Variants in HTR2C observed in about 807,000 individuals in gnomAD.
The protein encoded by HTR2C is 5-hydroxytryptamine receptor 2C, also known as 5-hydroxytryptamine (serotonin) receptor 2C, G protein-coupled.
Under a neutral mutation model 21.0 loss-of-function variants are expected in HTR2C, and 5 were observed. The observed-to-expected ratio is 0.24, with a 90% CI of 0.12 to 0.50. The LOEUF is 0.50. Ranked by LOEUF, HTR2C falls within the 20% of genes least tolerant of loss-of-function variation. HTR2C has a pLI of 0.98. For missense variants in HTR2C, 271 were observed against 371.2 expected (o/e 0.73, Z 2.22); for synonymous variants, 150 against 145.3 (o/e 1.03, Z -0.23).
intron 2 of HTR2C, among the ~76,000 whole-genome samples, chrX:114,667,624 T>TAGA (rs1214198529): frequency 2.7e-5 from 3 of 111,780 alleles, no homozygotes; most frequent in Non-Finnish European, 5.6e-5. Context: ...ATGTTGAGGC[T>TAGA]ATGGAAGGTA....
At chrX:114,678,972 TTAAAAA>T (rs1351852369) in intron 2 of HTR2C, among the ~76,000 whole-genome samples, 2 of 111,446 alleles carry the variant, frequency 1.8e-5, no homozygotes, top group Non-Finnish European at 3.8e-5. Context: ...AAGAAAAAAG[TTAAAAA>T]TAAATAAAGT....
intron 4 of HTR2C, among the ~76,000 whole-genome samples, chrX:114,806,538 T>C (rs1316359416): frequency 6.2e-5 from 5 of 80,765 alleles, no homozygotes; most frequent in Non-Finnish European, 1.2e-4. Context: ...ACCATATATA[T>C]ACCGTATATA....
At chrX:114,833,465 T>C (rs1436014807) in intron 4 of HTR2C, among the ~76,000 whole-genome samples, 2 of 111,845 alleles carry the variant, frequency 1.8e-5, no homozygotes, top group Non-Finnish European at 3.8e-5. Context: ...CCATTTCTGC[T>C]AGATTTTCTA....
chrX:114,610,211 TC>T (rs1397869166), intron 1 of HTR2C, among the ~76,000 whole-genome samples: 6 of 111,439 alleles, frequency 5.4e-5, no homozygotes, highest in African/African-American at 2.0e-4. Context: ...CATTTCCTCA[TC>T]CTGCTCAGGA....
intron 4 of HTR2C, among the ~76,000 whole-genome samples, chrX:114,748,014 A>T (rs1331695972): frequency 8.9e-6 from 1 of 111,951 alleles, no homozygotes; most frequent in Admixed American, 9.5e-5. Flanking sequence ...AATTTGGGGG[A>T]TAATTTGCTA....
At chrX:114,696,137 TC>T (rs1317471957) in intron 2 of HTR2C, among the ~76,000 whole-genome samples, 1 of 111,321 alleles carries the variant, frequency 9.0e-6, no homozygotes, top group Non-Finnish European at 1.9e-5. Flanking sequence ...TATATAGGCA[TC>T]GGTACTTTTC....
chrX:114,664,371 C>G (rs1931101449), intron 2 of HTR2C, among the ~76,000 whole-genome samples: 1 of 111,763 alleles, frequency 8.9e-6, no homozygotes, highest in East Asian at 2.8e-4. Context: ...GCTTTCCCTC[C>G]TCCTTCCCCA....
At chrX:114,647,242 C>G (rs1930396751) in intron 2 of HTR2C, among the ~76,000 whole-genome samples, 1 of 111,404 alleles carries the variant, frequency 9.0e-6, no homozygotes. Flanking sequence ...TAAATGTTCT[C>G]CCTACAAAAA....
At chrX:114,641,028 CTTCCTTT>C (rs2147825501) in intron 2 of HTR2C, among the ~76,000 whole-genome samples, 2 of 25,871 alleles carry the variant, frequency 7.7e-5, no homozygotes, top group African/African-American at 2.1e-4. Flanking sequence ...TTCTTTCTTT[CTTCCTTT>C]CTTTCTTTCT....
intron 4 of HTR2C, among the ~76,000 whole-genome samples, chrX:114,741,627 AC>A (rs1249721468): frequency 6.0e-5 from 5 of 83,678 alleles, no homozygotes; most frequent in African/African-American, 1.2e-4. Context: ...AAAAAAAAAA[AC>A]CCACAGGAGC....
At chrX:114,844,159 T>C (rs1475394969) in intron 4 of HTR2C, among the ~76,000 whole-genome samples, 2 of 111,746 alleles carry the variant, frequency 1.8e-5, no homozygotes, top group Non-Finnish European at 3.8e-5. Flanking sequence ...GGCAAATACA[T>C]AAAACAATAA....
At chrX:114,888,953 A>G (rs2071240395) in intron 5 of HTR2C, among the ~76,000 whole-genome samples, 1 of 111,850 alleles carries the variant, frequency 8.9e-6, no homozygotes, top group Non-Finnish European at 1.9e-5. Flanking sequence ...AGTAAGCCAA[A>G]TATCTACGTT....
At chrX:114,718,157 C>G (rs782661311) in intron 2 of HTR2C, among the ~76,000 whole-genome samples, 2 of 111,340 alleles carry the variant, frequency 1.8e-5, no homozygotes, top group Non-Finnish European at 3.8e-5. Flanking sequence ...AAGCCCACCC[C>G]ACAGTAGCTG....
chrX:114,604,424 TGAAAA>T (rs1158317085), intron 1 of HTR2C, among the ~76,000 whole-genome samples: 1 of 110,100 alleles, frequency 9.1e-6, no homozygotes, highest in Non-Finnish European at 1.9e-5. Flanking sequence ...AACAGGCCCT[TGAAAA>T]GAAGGTAATG....
intron 3 of HTR2C, among the ~76,000 whole-genome samples, chrX:114,729,283 C>T (rs1375950704): frequency 9.0e-6 from 1 of 111,718 alleles, no homozygotes; most frequent in African/African-American, 3.2e-5. Flanking sequence ...GAAGGTACCT[C>T]CAGCATTTAC....
intron 4 of HTR2C, among the ~76,000 whole-genome samples, chrX:114,772,391 T>G (rs1213811181): frequency 9.0e-6 from 1 of 110,699 alleles, no homozygotes; most frequent in Non-Finnish European, 1.9e-5. Flanking sequence ...AATGAGTTGC[T>G]TTATTTAAAT....
chrX:114,715,308 T>A (rs782189996), intron 2 of HTR2C: 1 of 386,037 alleles, frequency 2.6e-6, no homozygotes, highest in Non-Finnish European at 5.2e-6. Context: ...TAAATACATC[T>A]GGGCAACTGA....
chrX:114,848,076 C>T lies in HTR2C; in HGVS notation c.423C>T (p.Ser141=). The change falls in exon 5 of 6, where the codon TCC becomes TCT. Residue 141 remains serine, a synonymous_variant. Transcript: ENST00000276198. ...ISLDVLFSTA[S]IMHLCAISLD... Reference sequence around the variant, plus strand: ...TAGATGTTTTATTTTCAACAGCGTCCATCATGCACCTCTGCGCTATATCGC... The same window carrying T: ...TAGATGTTTTATTTTCAACAGCGTCTATCATGCACCTCTGCGCTATATCGC... 1 of 1,208,524 alleles carries T rather than the reference C, an allele frequency of 8.3e-7. No individual in the cohort carries two copies. The highest frequency in any genetic ancestry group is 1.1e-6 in the Non-Finnish European group (1 of 892,450).
intron 2 of HTR2C, among the ~76,000 whole-genome samples, chrX:114,646,127 G>A (rs782492969): frequency 8.4e-4 from 94 of 111,938 alleles, no homozygotes; most frequent in African/African-American, 2.8e-3. Flanking sequence ...TATCAATTCA[G>A]ATAAATACTT....
Sources: gnomAD v4.1 joint callset for allele counts (sites outside exome capture counted in the v4.1 genomes callset) on GRCh38, gnomAD v4.1.1 for gene constraint, MANE v1.5 for transcripts, NCBI Gene and HGNC (gene_info 2026-07-23, HGNC 2026-07-21) for gene names.